The following CSMD3 variants were observed in gnomAD, a reference collection of about 807,000 sequenced individuals.
CSMD3 encodes the protein CUB and Sushi multiple domains 3.
A neutral mutation model predicts 435.2 loss-of-function variants in CSMD3; 177 were observed. That is an observed-to-expected ratio of 0.41 (90% confidence interval 0.36 to 0.46). The LOEUF (loss-of-function observed/expected upper bound fraction) is 0.46, where lower values mean the gene tolerates loss of function less well. Among genes scored for constraint, CSMD3 ranks in the 20% least tolerant of loss-of-function variants. The pLI is 0.34. For synonymous variants in CSMD3, 1,656 were observed against 1,520.5 expected (o/e 1.09, Z -2.07); for missense variants, 4,265 against 4,504.6 (o/e 0.95, Z 1.52).
intron 38 of CSMD3, among the ~76,000 whole-genome samples, chr8:112,371,872 AGAGT>A (rs886935026): frequency 5.9e-5 from 9 of 152,050 alleles, no homozygotes; most frequent in African/African-American, 2.2e-4. Flanking sequence ...CCTGAGCGAC[AGAGT>A]GAGACTCTGT....
chr8:112,927,098 T>C (rs984007153), intron 9 of CSMD3, among the ~76,000 whole-genome samples: 3 of 152,176 alleles, frequency 2.0e-5, no homozygotes, highest in Non-Finnish European at 1.5e-5. Flanking sequence ...GCTGATTTAA[T>C]ATCTTTAAAA....
At chr8:112,778,375 C>T (rs1027916572) in intron 13 of CSMD3, among the ~76,000 whole-genome samples, 6 of 151,978 alleles carry the variant, frequency 3.9e-5, no homozygotes, top group Admixed American at 6.6e-5. Flanking sequence ...TAATCTCTCT[C>T]GCTCCCACCT....
At chr8:112,538,386 C>T (rs1036998932) in intron 27 of CSMD3, among the ~76,000 whole-genome samples, 4 of 151,828 alleles carry the variant, frequency 2.6e-5, no homozygotes, top group South Asian at 2.1e-4. Flanking sequence ...AAAAAGGCAT[C>T]GAAATTAGGA....
At chr8:112,502,885 G>A (rs185063904) in intron 30 of CSMD3, among the ~76,000 whole-genome samples, 8 of 152,098 alleles carry the variant, frequency 5.3e-5, no homozygotes, top group African/African-American at 1.9e-4. Context: ...CATGGACTCA[G>A]TAATTGAAAA....
chr8:112,658,223 C>A (rs969445785), intron 17 of CSMD3, among the ~76,000 whole-genome samples: 1 of 152,114 alleles, frequency 6.6e-6, no homozygotes. Flanking sequence ...GAAATGCCCA[C>A]TAATTTTCAG....
At chr8:113,414,163 C>T (rs79987436) in intron 1 of CSMD3, among the ~76,000 whole-genome samples, 2,748 of 152,168 alleles carry the variant, frequency 0.018, 95 homozygotes, top group African/African-American at 0.061. Flanking sequence ...TAGCCACTGG[C>T]CACATGTAGC....
intron 22 of CSMD3, among the ~76,000 whole-genome samples, chr8:112,635,295 T>C (rs2074626265): frequency 1.3e-5 from 2 of 152,062 alleles, no homozygotes; most frequent in Non-Finnish European, 2.9e-5. Context: ...GTGCTACAGT[T>C]GCAAACATTT....
At chr8:112,320,123 A>T in intron 45 of CSMD3, 142 bp from the exon 46 acceptor site, 1 of 637,616 alleles carries the variant, frequency 1.6e-6, no homozygotes, top group Non-Finnish European at 2.8e-6. Context: ...TTACATCTTT[A>T]TTTTTAAAAA....
At chr8:112,524,299 T>C (rs1389399191) in intron 27 of CSMD3, among the ~76,000 whole-genome samples, 3 of 151,114 alleles carry the variant, frequency 2.0e-5, no homozygotes, top group East Asian at 1.9e-4. Context: ...TGATTTGAAA[T>C]AGAATTCTAG....
chr8:113,424,629 G>A (rs2094625661), intron 1 of CSMD3, among the ~76,000 whole-genome samples: 1 of 151,202 alleles, frequency 6.6e-6, no homozygotes, highest in Non-Finnish European at 1.5e-5. Flanking sequence ...GATCACAAAT[G>A]ATTATATTAT....
intron 19 of CSMD3, 51 bp downstream of exon 19, chr8:112,650,110 G>T (rs2131631071): frequency 1.5e-6 from 2 of 1,317,688 alleles, no homozygotes; most frequent in Non-Finnish European, 2.2e-6. Flanking sequence ...AAACTACATT[G>T]ATTTTTCTGT....
At chr8:113,046,675 GT>G (rs1438598461) in intron 5 of CSMD3, among the ~76,000 whole-genome samples, 4 of 152,262 alleles carry the variant, frequency 2.6e-5, no homozygotes, top group African/African-American at 9.6e-5. Flanking sequence ...GGAGGCCGGC[GT>G]CAAAGAGCTC....
chr8:112,364,412 G>C (rs1213335957), intron 38 of CSMD3, among the ~76,000 whole-genome samples: 1 of 151,918 alleles, frequency 6.6e-6, no homozygotes, highest in Non-Finnish European at 1.5e-5. Flanking sequence ...GACCTCTAAA[G>C]ATCTTCAAAG....
At chr8:113,247,805 C>T (rs1336092354) in intron 3 of CSMD3, among the ~76,000 whole-genome samples, 1 of 152,010 alleles carries the variant, frequency 6.6e-6, no homozygotes, top group Non-Finnish European at 1.5e-5. Flanking sequence ...ATTAATATAA[C>T]TTAATTAAAT....
chr8:112,435,170 G>A (rs1814187916), intron 32 of CSMD3, among the ~76,000 whole-genome samples: 1 of 152,000 alleles, frequency 6.6e-6, no homozygotes, highest in Non-Finnish European at 1.5e-5. Flanking sequence ...GAAAAATAAG[G>A]TATGGAAAAA....
chr8:112,295,794 G>A (rs374492637), intron 54 of CSMD3, 39 bp downstream of exon 54: 1 of 1,576,162 alleles, frequency 6.3e-7, no homozygotes, highest in Non-Finnish European at 8.7e-7. Context: ...TTATTCCAAA[G>A]ATCAGAGGTC....
At position 112,390,574 on chromosome 8, in the gene CSMD3, A is replaced by C; in HGVS notation, c.5934+90T>G. 4 of 1,146,544 alleles carry C rather than the reference A, an allele frequency of 3.5e-6. No individual in the cohort carries two copies. In the South Asian group the frequency reaches 5.0e-5, roughly 14 times the overall value. The allele number at this position is 1,146,544 out of a possible 1,614,324, so 71.0% of individuals were successfully genotyped here. A position where few individuals can be genotyped will look rare whatever the true frequency, so the allele number is the denominator to read the frequency against. ...ACCATGTCAGTCAAAACCACTTGCT[A>C]AACTTTTAGAAATAATGTTCATTCT... On this transcript the variant is annotated intron_variant, in intron 36 of 70. Transcript: ENST00000297405.
At chr8:113,220,905 A>G (rs2092958928) in intron 3 of CSMD3, among the ~76,000 whole-genome samples, 1 of 151,392 alleles carries the variant, frequency 6.6e-6, no homozygotes, top group African/African-American at 2.4e-5. Flanking sequence ...GTAGTATTCC[A>G]GCTGAGAATT....
intron 32 of CSMD3, among the ~76,000 whole-genome samples, chr8:112,452,022 C>G (rs375310952): frequency 1.8e-4 from 28 of 152,206 alleles, no homozygotes; most frequent in African/African-American, 6.7e-4. Context: ...TGAAATTCTC[C>G]CCAGCTGTGA....
Sources: gnomAD v4.1 joint callset for allele counts (sites outside exome capture counted in the v4.1 genomes callset) on GRCh38, gnomAD v4.1.1 for gene constraint, MANE v1.5 for transcripts, NCBI Gene and HGNC (gene_info 2026-07-23, HGNC 2026-07-21) for gene names.